GAD2: variants seen among roughly 807,000 people sequenced by gnomAD.
The protein encoded by GAD2 is glutamate decarboxylase 2.
Under a neutral mutation model 80.1 loss-of-function variants are expected in GAD2, and 22 were observed. That is an observed-to-expected ratio of 0.27 (90% CI 0.20 to 0.39). The LOEUF is 0.39. Ranked by LOEUF, GAD2 falls within the 10% of genes least tolerant of loss-of-function variation. The probability of loss-of-function intolerance (pLI) is 1.00; values close to 1 mark genes in which losing one functional copy is unlikely to be tolerated. For synonymous variants in GAD2, 274 were observed against 256.9 expected (o/e 1.07, Z -0.64); for missense variants, 624 against 738.4 (o/e 0.85, Z 1.80).
intron 11 of GAD2, 55 bp downstream of exon 11, chr10:26,273,755 C>A: frequency 7.0e-7 from 1 of 1,430,550 alleles, no homozygotes; most frequent in Non-Finnish European, 9.8e-7. Context: ...AACTGTGAAA[C>A]ACAAATTACA....
intron 8 of GAD2, among the ~76,000 whole-genome samples, chr10:26,250,870 T>G (rs1363468158): frequency 6.8e-6 from 1 of 147,740 alleles, no homozygotes; most frequent in African/African-American, 2.5e-5. Context: ...TTGTTGGGTT[T>G]TTTTTCCTTT....
intron 8 of GAD2, among the ~76,000 whole-genome samples, chr10:26,252,492 G>A (rs552326869): frequency 6.6e-6 from 1 of 152,122 alleles, no homozygotes; most frequent in East Asian, 1.9e-4. Flanking sequence ...ACAGGTGTGT[G>A]CCACCACGCC....
At position 26,256,299 on chromosome 10, in the gene GAD2, C is replaced by T. The variant is rs561168160; in HGVS notation, c.920+10299C>T. 5.9e-5 allele frequency among the ~76,000 whole-genome samples: 9 copies of T among 152,100 alleles called. No individual in the cohort carries two copies. The East Asian group carries it at 1.4e-3, about 23-fold the overall frequency. The stretch of plus-strand genomic sequence containing the variant: ...ATTTGCAAGCTCCTTGCAGACATCA[C>T]GCTGTTTTACCCCTTAATATCTCAA... On this transcript the variant is annotated intron_variant, in intron 8 of 15. Transcript: ENST00000376261.
intron 13 of GAD2, among the ~76,000 whole-genome samples, chr10:26,288,918 A>G (rs2132317689): frequency 6.6e-6 from 1 of 152,292 alleles, no homozygotes; most frequent in East Asian, 1.9e-4. Flanking sequence ...AGCCCAAAAT[A>G]AAAGCAAGAG....
intron 6 of GAD2, 23 bp downstream of exon 6, chr10:26,224,674 TTG>T (rs777484901): frequency 6.4e-7 from 1 of 1,550,816 alleles, no homozygotes; most frequent in Non-Finnish European, 8.9e-7. Context: ...TCAACTTTCT[TTG>T]TGTTTTTTCT....
chr10:26,240,128 G>A (rs1844722300), intron 7 of GAD2, among the ~76,000 whole-genome samples: 1 of 152,218 alleles, frequency 6.6e-6, no homozygotes. Context: ...GGCATGCCAA[G>A]ATTCTAAACT....
intron 12 of GAD2, among the ~76,000 whole-genome samples, chr10:26,285,678 G>T (rs1564671455): frequency 6.6e-6 from 1 of 152,106 alleles, no homozygotes; most frequent in Non-Finnish European, 1.5e-5. Context: ...GTATGCGAAT[G>T]CAGGACTGAA....
chr10:26,248,217 C>T (rs956840903), intron 8 of GAD2, among the ~76,000 whole-genome samples: 5 of 152,092 alleles, frequency 3.3e-5, no homozygotes, highest in Non-Finnish European at 5.9e-5. Context: ...CAGTTTGGCC[C>T]GAAAGGGTGG....
At chr10:26,297,761 C>T (rs1457045057) in intron 15 of GAD2, among the ~76,000 whole-genome samples, 1 of 152,114 alleles carries the variant, frequency 6.6e-6, no homozygotes, top group Non-Finnish European at 1.5e-5. Flanking sequence ...GTGGAAGGTG[C>T]CCTCTCTTCC....
At chr10:26,291,223 C>T (rs1318629437) in intron 13 of GAD2, among the ~76,000 whole-genome samples, 1 of 152,212 alleles carries the variant, frequency 6.6e-6, no homozygotes, top group Non-Finnish European at 1.5e-5. Flanking sequence ...CAATTAGCTT[C>T]CCTCACTTCT....
intron 9 of GAD2, among the ~76,000 whole-genome samples, chr10:26,269,893 T>C (rs1421942904): frequency 2.6e-5 from 4 of 152,198 alleles, no homozygotes. Context: ...TTTCCCTCCT[T>C]GTGCAAGTAC....
intron 7 of GAD2, among the ~76,000 whole-genome samples, chr10:26,232,451 T>C (rs1844614943): frequency 6.6e-6 from 1 of 150,908 alleles, no homozygotes; most frequent in Non-Finnish European, 1.5e-5. Context: ...CTTTTCCTGA[T>C]ACTGTAAACT....
At chr10:26,218,027 C>T (rs751451408) in intron 3 of GAD2, 36 bp downstream of exon 3, 3 of 1,561,732 alleles carry the variant, frequency 1.9e-6, no homozygotes, top group Non-Finnish European at 2.6e-6. Flanking sequence ...GGCGCCCCTG[C>T]CCCTCTCTCT....
At chr10:26,245,131 C>T (rs1162501102) in intron 7 of GAD2, among the ~76,000 whole-genome samples, 3 of 133,898 alleles carry the variant, frequency 2.2e-5, no homozygotes, top group East Asian at 2.2e-4. Context: ...CCAGCCTGGG[C>T]GACAAGAGCA....
At chr10:26,287,502 G>T (rs1031527668) in intron 13 of GAD2, among the ~76,000 whole-genome samples, 6 of 152,228 alleles carry the variant, frequency 3.9e-5, no homozygotes, top group African/African-American at 1.4e-4. Flanking sequence ...AGGAAGAAAT[G>T]AGGAAGATTA....
chr10:26,231,023 A>G (rs3847378), intron 7 of GAD2, among the ~76,000 whole-genome samples: 63,571 of 151,960 alleles, frequency 0.42, 17,706 homozygotes, highest in African/African-American at 0.8. Flanking sequence ...CGAGGAGGCA[A>G]AGGTTGCAGT....
At chr10:26,224,390 T>G in intron 5 of GAD2, 149 bp from the exon 6 acceptor site, 1 of 660,728 alleles carries the variant, frequency 1.5e-6, no homozygotes. Flanking sequence ...GAAGGCCTTT[T>G]TGAAATAATT....
intron 7 of GAD2, among the ~76,000 whole-genome samples, chr10:26,237,563 G>A (rs1008646169): frequency 6.6e-6 from 1 of 152,008 alleles, no homozygotes; most frequent in African/African-American, 2.4e-5. Context: ...GAGCAGAGTC[G>A]GGGCCAGTGA....
In GAD2 at chr10:26,253,982, C is replaced by T. The variant is rs1263591554; in HGVS notation, c.920+7982C>T. 2.0e-5 allele frequency among the ~76,000 whole-genome samples: 3 copies of T among 152,240 alleles called. No individual in the cohort carries two copies. In the South Asian group the frequency reaches 6.2e-4, roughly 32 times the overall value. On this transcript the variant is annotated intron_variant, in intron 8 of 15. Coordinates refer to ENST00000376261, the MANE Select transcript of GAD2 (RefSeq NM_001134366.2). ...TGGTTTCAGGATGAAACTGTTCCACCTCAGATCATCATCAGGCATTAGTTA... is the reference window on the plus strand; with the variant it reads ...TGGTTTCAGGATGAAACTGTTCCACTTCAGATCATCATCAGGCATTAGTTA...
Sources: allele counts gnomAD v4.1 joint callset (sites outside exome capture counted in the v4.1 genomes callset), GRCh38; gene constraint gnomAD v4.1.1; transcripts MANE v1.5; gene names NCBI Gene and HGNC (gene_info 2026-07-23, HGNC 2026-07-21).